CFAP54: variants seen among roughly 807,000 people sequenced by gnomAD.
The protein encoded by CFAP54 is cilia and flagella associated protein 54.
CFAP54 carries 290 observed loss-of-function variants against 370.4 expected under a neutral mutation model. The ratio of observed to expected loss-of-function variants is 0.78; its 90% CI spans 0.71 to 0.86. The LOEUF (loss-of-function observed/expected upper bound fraction) is 0.86. CFAP54 is among the 40% of genes least tolerant of loss of function. The pLI is 0.00. For missense variants in CFAP54, 3,399 were observed against 3,528.7 expected (o/e 0.96, Z 0.93); for synonymous variants, 1,206 against 1,236.5 (o/e 0.98, Z 0.52).
intron 21 of CFAP54, 79 bp from the exon 22 acceptor site, chr12:96,580,838 TAGA>T (rs1314929693): frequency 1.7e-6 from 2 of 1,183,218 alleles, no homozygotes; most frequent in East Asian, 2.8e-5. Flanking sequence ...TTTTTTTTAA[TAGA>T]AGGTTTACTT....
intron 22 of CFAP54, among the ~76,000 whole-genome samples, chr12:96,582,695 T>G (rs1956043284): frequency 6.6e-6 from 1 of 152,160 alleles, no homozygotes; most frequent in Non-Finnish European, 1.5e-5. Context: ...TTGGTAGAAC[T>G]TTCATTGAAA....
intron 26 of CFAP54, among the ~76,000 whole-genome samples, chr12:96,617,662 A>G (rs1956435148): frequency 6.6e-6 from 1 of 152,162 alleles, no homozygotes; most frequent in South Asian, 2.1e-4. Flanking sequence ...TGCTGGGCCC[A>G]AAGTCTATCT....
chr12:96,561,451 C>G (rs1298531235), intron 17 of CFAP54, among the ~76,000 whole-genome samples: 1 of 152,088 alleles, frequency 6.6e-6, no homozygotes, highest in Non-Finnish European at 1.5e-5. Context: ...TCAGGTATGT[C>G]TTTATCAGCA....
Position 96,538,378 on chromosome 12 carries a change from T to G in CFAP54, c.1792-6T>G. The G allele has an allele frequency of 6.5e-7, 1 of 1,532,526 alleles. No homozygotes were observed. The highest frequency in any genetic ancestry group is 8.7e-7 in the Non-Finnish European group (1 of 1,144,664). 94.9% of individuals were successfully genotyped at this position (1,532,526 alleles called of 1,614,324 possible). A position where few individuals can be genotyped will look rare whatever the true frequency, so the allele number is the denominator to read the frequency against. On this transcript the variant is annotated splice_polypyrimidine_tract_variant and splice_region_variant and intron_variant, in intron 12 of 67. Transcript: ENST00000524981. ...TACTCATTTACCTTCTCACTTTTGT[T>G]TTTAGGATGTTCAACCTGATAAAGA...
At chr12:96,597,215 A>G (rs1287387719) in intron 25 of CFAP54, among the ~76,000 whole-genome samples, 1 of 152,106 alleles carries the variant, frequency 6.6e-6, no homozygotes. Flanking sequence ...TTTATCTGAC[A>G]CAACAATTCT....
Position 96,799,637 on chromosome 12 carries a change from G to C in CFAP54, c.8850+7138G>C, listed in dbSNP as rs182405442. Among the ~76,000 whole-genome samples the C allele has an allele frequency of 8.3e-4, 127 of 152,216 alleles. 1 individual carries two copies. Among genetic ancestry groups the C allele is most frequent in the Non-Finnish European group, 7.6e-4 (52 of 67,996 alleles). On this transcript the variant is annotated intron_variant, in intron 63 of 67. Transcript: ENST00000524981. The stretch of plus-strand genomic sequence containing the variant: ...ATCCAGATACAAAAGAGAAACTTTA[G>C]CATATAACTCTCCAGATACCTTTCA...
At chr12:96,768,536 C>A (rs1007666371) in intron 60 of CFAP54, among the ~76,000 whole-genome samples, 8 of 151,478 alleles carry the variant, frequency 5.3e-5, no homozygotes, top group Admixed American at 3.3e-4. Flanking sequence ...GCCTATAATC[C>A]CAGCTACTAG....
In CFAP54 at chr12:96,558,334, T is replaced by C. The variant is rs528492435; in HGVS notation, c.2410+3532T>C. On this transcript the variant is annotated intron_variant, in intron 17 of 67. Coordinates refer to ENST00000524981, the MANE Select transcript of CFAP54 (RefSeq NM_001306084.2). ...GAGAAAGAAAGAAAGGGCATCCACA[T>C]TGGAAAGTCAGATTATCCTTGTTTG... Among the ~76,000 whole-genome samples, 123 of 152,260 alleles carry C rather than the reference T, an allele frequency of 8.1e-4. 1 individual carries two copies. Among genetic ancestry groups the C allele is most frequent in the African/African-American group, 2.8e-3 (118 of 41,550 alleles).
chr12:96,558,833 G>A (rs1455358214), intron 17 of CFAP54, among the ~76,000 whole-genome samples: 9 of 152,106 alleles, frequency 5.9e-5, no homozygotes, highest in Admixed American at 5.9e-4. Context: ...AATTTCTTGA[G>A]CAATACCCCT....
At chr12:96,499,871 C>G (rs1279820644) in intron 1 of CFAP54, among the ~76,000 whole-genome samples, 1 of 151,920 alleles carries the variant, frequency 6.6e-6, no homozygotes, top group Non-Finnish European at 1.5e-5. Context: ...GCTTGAACCC[C>G]AGAGGTGGAG....
At chr12:96,572,799 T>C in intron 19 of CFAP54, 1 of 925,904 alleles carries the variant, frequency 1.1e-6, no homozygotes, top group Non-Finnish European at 1.3e-6. Flanking sequence ...AATGGAGCCT[T>C]CTGATTTTTA....
At chr12:96,866,031 T>G in intron 67 of CFAP54, among the ~76,000 whole-genome samples, 1 of 152,186 alleles carries the variant, frequency 6.6e-6, no homozygotes, top group Middle Eastern at 3.4e-3. Context: ...AATTATTTGA[T>G]TTTCCAAAAT....
At chr12:96,796,058 C>A (rs537691839) in intron 63 of CFAP54, among the ~76,000 whole-genome samples, 252 of 152,310 alleles carry the variant, frequency 1.7e-3, no homozygotes, top group Non-Finnish European at 2.7e-3. Flanking sequence ...GATATGGACC[C>A]TCAGATTCCC....
intron 65 of CFAP54, among the ~76,000 whole-genome samples, chr12:96,828,451 G>T (rs994041402): frequency 6.6e-6 from 1 of 151,982 alleles, no homozygotes; most frequent in Non-Finnish European, 1.5e-5. Flanking sequence ...CTCCAACTCC[G>T]CATGTGGACC....
intron 61 of CFAP54, among the ~76,000 whole-genome samples, chr12:96,785,537 C>G (rs1215367577): frequency 6.6e-6 from 1 of 152,132 alleles, no homozygotes; most frequent in African/African-American, 2.4e-5. Flanking sequence ...GGCTGAGTCA[C>G]AGAGTTGCTA....
At chr12:96,842,066 A>C (rs1959223163) in intron 66 of CFAP54, among the ~76,000 whole-genome samples, 1 of 152,204 alleles carries the variant, frequency 6.6e-6, no homozygotes, top group African/African-American at 2.4e-5. Context: ...TTGACCTTTA[A>C]CAACTCCCTT....
At chr12:96,774,048 A>G (rs528591362) in intron 60 of CFAP54, among the ~76,000 whole-genome samples, 1 of 152,278 alleles carries the variant, frequency 6.6e-6, no homozygotes, top group South Asian at 2.1e-4. Context: ...TTTTGTTGAC[A>G]TGGTGGGAGA....
intron 66 of CFAP54, among the ~76,000 whole-genome samples, chr12:96,843,492 A>G (rs902818491): frequency 2.6e-5 from 4 of 152,216 alleles, no homozygotes; most frequent in Non-Finnish European, 5.9e-5. Context: ...TTGCCAGTGC[A>G]TAAGTTGTAG....
intron 47 of CFAP54, among the ~76,000 whole-genome samples, chr12:96,705,808 T>A (rs1207310439): frequency 6.6e-6 from 1 of 152,312 alleles, no homozygotes; most frequent in South Asian, 2.1e-4. Context: ...TACTAATTAA[T>A]CTTCTTTTGA....
Sources: gnomAD v4.1 joint callset for allele counts (sites outside exome capture counted in the v4.1 genomes callset) on GRCh38, gnomAD v4.1.1 for gene constraint, MANE v1.5 for transcripts, NCBI Gene and HGNC (gene_info 2026-07-23, HGNC 2026-07-21) for gene names.